Variants in ABHD12 observed in about 807,000 individuals in gnomAD.
ABHD12 encodes the protein abhydrolase domain containing 12, lysophospholipase, also known as lysophosphatidylserine lipase ABHD12.
Under a neutral mutation model 58.3 loss-of-function variants are expected in ABHD12, and 43 were observed. That is an observed-to-expected ratio of 0.74 (90% CI 0.58 to 0.95). The LOEUF is 0.95. ABHD12 is among the 40% of genes least tolerant of loss of function. ABHD12 has a pLI of 0.00. For synonymous variants in ABHD12, 219 were observed against 211.2 expected (o/e 1.04, Z -0.32); for missense variants, 539 against 537.2 (o/e 1.00, Z -0.03).
At chr20:25,338,465 C>T (rs559579691) in intron 2 of ABHD12, among the ~76,000 whole-genome samples, 141 of 152,330 alleles carry the variant, frequency 9.3e-4, no homozygotes, top group African/African-American at 3.1e-3. Context: ...CCCACAGATG[C>T]GGCCCTTTCC....
At chr20:25,335,379 C>T (rs1473249660) in intron 2 of ABHD12, among the ~76,000 whole-genome samples, 20 of 149,792 alleles carry the variant, frequency 1.3e-4, no homozygotes, top group African/African-American at 4.7e-4. Flanking sequence ...CTAGTTCAAC[C>T]ATTGTGGAAG....
At chr20:25,376,274 C>A (rs986296528) in intron 1 of ABHD12, among the ~76,000 whole-genome samples, 1 of 152,192 alleles carries the variant, frequency 6.6e-6, no homozygotes, top group African/African-American at 2.4e-5. Flanking sequence ...AAATCTCATT[C>A]CCCAAGACTA....
chr20:25,306,180 C>CAAAAAAAAAAAAA (rs11474922), intron 10 of ABHD12, among the ~76,000 whole-genome samples: 1 of 137,594 alleles, frequency 7.3e-6, no homozygotes, highest in Admixed American at 7.1e-5. Flanking sequence ...AAAACAAAAA[C>CAAAAAAAAAAAAA]AAAAAAAAAA....
intron 7 of ABHD12, among the ~76,000 whole-genome samples, chr20:25,308,874 C>T (rs572493277): frequency 1.2e-4 from 19 of 152,314 alleles, no homozygotes; most frequent in African/African-American, 2.9e-4. Flanking sequence ...TGGTGGACCA[C>T]GCAGACGGCC....
chr20:25,368,939 A>T (rs2146103408), intron 1 of ABHD12, among the ~76,000 whole-genome samples: 1 of 152,230 alleles, frequency 6.6e-6, no homozygotes, highest in East Asian at 1.9e-4. Context: ...CTTGGGCAAC[A>T]TATTTAGACC....
At chr20:25,349,589 A>G (rs1392844125) in intron 1 of ABHD12, among the ~76,000 whole-genome samples, 1 of 152,252 alleles carries the variant, frequency 6.6e-6, no homozygotes. Flanking sequence ...ATTTGGATGC[A>G]TGCTACAACA....
At chr20:25,310,899 C>A (rs996705777) in intron 6 of ABHD12, among the ~76,000 whole-genome samples, 1 of 152,166 alleles carries the variant, frequency 6.6e-6, no homozygotes. Flanking sequence ...GAAAGTGCTG[C>A]GTGGGATTTC....
At chr20:25,356,028 C>T (rs764095239) in intron 1 of ABHD12, among the ~76,000 whole-genome samples, 17 of 152,154 alleles carry the variant, frequency 1.1e-4, no homozygotes, top group Non-Finnish European at 2.4e-4. Flanking sequence ...AGAACAAAAG[C>T]CATTCTAACA....
In ABHD12 at chr20:25,338,903, C is replaced by T. The variant is rs973271927; in HGVS notation, c.316+324G>A. Reference sequence around the variant, plus strand: ...TACTCACCTCAGCTGAAGACAGATACGCTGGTCCCCCAGGGCAGTGTAGTC... The same window carrying T: ...TACTCACCTCAGCTGAAGACAGATATGCTGGTCCCCCAGGGCAGTGTAGTC... On this transcript the variant is annotated intron_variant, in intron 2 of 12. Coordinates refer to ENST00000339157, the MANE Select transcript of ABHD12 (RefSeq NM_001042472.3). The T allele has an allele frequency of 4.3e-6, 5 of 1,163,142 alleles. No homozygotes were observed. In the East Asian group the frequency reaches 2.3e-4, roughly 54 times the overall value. The allele number at this position is 1,163,142 out of a possible 1,614,324, so 72.1% of individuals were successfully genotyped here. A position where few individuals can be genotyped will look rare whatever the true frequency, so the allele number is the denominator to read the frequency against.
rs893779202 is a variant in ABHD12, at chr20:25,390,387, C to G, written c.191+126G>C. On this transcript the variant is annotated intron_variant, in intron 1 of 12. Coordinates refer to ENST00000339157, the MANE Select transcript of ABHD12 (RefSeq NM_001042472.3). Reference sequence around the variant, plus strand: ...TGCGGGACACAGGCGCGGACGGGGGCGGCCGCGGATCGGGCGGACGGCCAC... The same window carrying G: ...TGCGGGACACAGGCGCGGACGGGGGGGGCCGCGGATCGGGCGGACGGCCAC... The G allele has an allele frequency of 3.7e-4, 357 of 962,358 alleles. 1 individual carries two copies. The highest frequency in any genetic ancestry group is 2.5e-4 in the Non-Finnish European group (179 of 727,674). The allele number at this position is 962,358 out of a possible 1,614,324, so 59.6% of individuals were successfully genotyped here.
downstream of ABHD12, chr20:25,295,692 G>C: frequency 6.2e-7 from 1 of 1,600,378 alleles, no homozygotes. Context: ...GGGTCCAGAG[G>C]CTAGGGGAGC....
At chr20:25,307,325 A>G (rs1159695499) in intron 9 of ABHD12, among the ~76,000 whole-genome samples, 1 of 152,248 alleles carries the variant, frequency 6.6e-6, no homozygotes, top group Non-Finnish European at 1.5e-5. Context: ...AAAAAGTAAG[A>G]TAAGATAAAA....
intron 3 of ABHD12, among the ~76,000 whole-genome samples, chr20:25,323,117 T>C (rs145038668): frequency 6.6e-6 from 1 of 152,336 alleles, no homozygotes; most frequent in African/African-American, 2.4e-5. Flanking sequence ...GCCTTTGCTG[T>C]TTTGAAAGGC....
At chr20:25,344,358 G>A (rs2089492085) in intron 1 of ABHD12, among the ~76,000 whole-genome samples, 1 of 152,106 alleles carries the variant, frequency 6.6e-6, no homozygotes, top group Admixed American at 6.6e-5. Flanking sequence ...CAGGATACGA[G>A]GTTAATATAC....
At chr20:25,338,047 TA>T (rs1411466188) in intron 2 of ABHD12, among the ~76,000 whole-genome samples, 2 of 151,646 alleles carry the variant, frequency 1.3e-5, no homozygotes, top group African/African-American at 4.8e-5. Context: ...TTACCGGCAT[TA>T]AAAAAAACAA....
At chr20:25,321,218 G>C (rs2089060189) in intron 3 of ABHD12, among the ~76,000 whole-genome samples, 1 of 152,250 alleles carries the variant, frequency 6.6e-6, no homozygotes, top group Admixed American at 6.5e-5. Context: ...GTCACATTTT[G>C]AAGGTGCTGG....
chr20:25,368,474 G>C (rs2089854234), intron 1 of ABHD12: 1 of 1,577,178 alleles, frequency 6.3e-7, no homozygotes, highest in Non-Finnish European at 8.7e-7. Flanking sequence ...ATTTGCCATG[G>C]ACAAGATGCT....
At chr20:25,309,311 G>T (rs2088805678) in intron 7 of ABHD12, 135 bp downstream of exon 7, 10 of 1,308,046 alleles carry the variant, frequency 7.6e-6, no homozygotes, top group Middle Eastern at 4.4e-4. Flanking sequence ...CTCTGCCATG[G>T]GGATGGGAGC....
In ABHD12 at chr20:25,320,330, A is replaced by G. The variant is rs751113556; in HGVS notation, c.423-12T>C. On this transcript the variant is annotated splice_polypyrimidine_tract_variant and intron_variant, in intron 3 of 12. Coordinates refer to ENST00000339157, the MANE Select transcript of ABHD12 (RefSeq NM_001042472.3). ...CAGGGACGGTGTGCCTGCAGACAGA[A>G]GCAGAGGGGAGCGCAGGATCAGATG... 6.2e-7 allele frequency: 1 copy of G among 1,612,990 alleles called. No individual in the cohort carries two copies. The highest frequency in any genetic ancestry group is 2.2e-5 in the East Asian group (1 of 44,882).
Sources: allele counts gnomAD v4.1 joint callset (sites outside exome capture counted in the v4.1 genomes callset), GRCh38; gene constraint gnomAD v4.1.1; transcripts MANE v1.5; gene names NCBI Gene and HGNC (gene_info 2026-07-23, HGNC 2026-07-21).